Variants in OSBPL8 observed in about 807,000 individuals in gnomAD.
The protein encoded by OSBPL8 is oxysterol-binding protein-related protein 8.
A neutral mutation model predicts 125.5 loss-of-function variants in OSBPL8; 59 were observed. The ratio of observed to expected loss-of-function variants is 0.47; its 90% confidence interval spans 0.38 to 0.58. OSBPL8 has a LOEUF of 0.58. OSBPL8 is among the 20% of genes least tolerant of loss of function. OSBPL8 has a pLI of 0.00. For missense variants in OSBPL8, 758 were observed against 1,047.8 expected (o/e 0.72, Z 3.82); for synonymous variants, 330 against 338.9 (o/e 0.97, Z 0.29).
chr12:76,472,280 C>A (rs370881733), intron 2 of OSBPL8, among the ~76,000 whole-genome samples: 2 of 152,288 alleles, frequency 1.3e-5, no homozygotes, highest in Admixed American at 1.3e-4. Context: ...TTAGTATCTT[C>A]CTGAAACCAC....
intron 2 of OSBPL8, among the ~76,000 whole-genome samples, chr12:76,464,176 G>A (rs1443051049): frequency 6.6e-6 from 1 of 152,196 alleles, no homozygotes; most frequent in African/African-American, 2.4e-5. Context: ...GGCTGAGGCA[G>A]GAGGACTGCT....
intron 1 of OSBPL8, among the ~76,000 whole-genome samples, chr12:76,516,577 AAAAG>A (rs1362544347): frequency 6.6e-6 from 1 of 152,196 alleles, no homozygotes; most frequent in Non-Finnish European, 1.5e-5. Context: ...CCAAAAAAGT[AAAAG>A]AAAGGACACA....
chr12:76,504,464 C>T (rs1880218326), intron 1 of OSBPL8, among the ~76,000 whole-genome samples: 1 of 152,178 alleles, frequency 6.6e-6, no homozygotes, highest in South Asian at 2.1e-4. Context: ...TCAGCCAATG[C>T]AATGCATTTC....
At chr12:76,405,358 T>C (rs573357710) in intron 5 of OSBPL8, among the ~76,000 whole-genome samples, 3 of 151,868 alleles carry the variant, frequency 2.0e-5, no homozygotes, top group African/African-American at 7.3e-5. Context: ...GTTTGGGAGG[T>C]TGAGACAGGA....
chr12:76,399,971 G>T lies in OSBPL8; in HGVS notation c.370C>A (p.Gln124Lys), dbSNP rs77898164. 2 of 1,592,304 alleles carry T rather than the reference G, an allele frequency of 1.3e-6. No individual in the cohort carries two copies. Among genetic ancestry groups the T allele is most frequent in the Non-Finnish European group, 1.7e-6 (2 of 1,172,760 alleles). ...TTTTCTTCTCGGTAATTTTTCTTTT[G>T]TACCTATTTTATAGAAATAATAGAA... ...KLTKKESLKV[Q>K]KKNYREEKKR... Residue 124 changes from glutamine to lysine, a missense_variant, in exon 7 of 24, where the codon CAA (glutamine) becomes AAA (lysine). Physicochemically the swap from Gln to Lys is moderately conservative, Grantham distance 53 (BLOSUM62 1). Around this residue, in one of 3 missense-constraint regions of OSBPL8, gnomAD observed 69 missense variants for 148.7 expected, o/e 0.46. Coordinates refer to ENST00000261183, the MANE Select transcript of OSBPL8 (RefSeq NM_020841.5).
Position 76,390,570 on chromosome 12 carries a change from A to G in OSBPL8, c.1017T>C (p.His339=). 1 of 1,613,810 alleles carries G rather than the reference A, an allele frequency of 6.2e-7. No homozygotes were observed. The highest frequency in any genetic ancestry group is 8.5e-7 in the Non-Finnish European group (1 of 1,179,840). ...DKSDKENDQE[H]DESDNEVMGK... ...CCATCACCTCATTATCAGACTCATC[A>G]TGTTCTTGATCATTTTCTTTATCAG... The change falls in exon 11 of 24, where the codon CAT becomes CAC. Residue 339 remains histidine, a synonymous_variant. Transcript: ENST00000261183.
chr12:76,393,948 AG>A, intron 9 of OSBPL8, among the ~76,000 whole-genome samples: 1 of 152,250 alleles, frequency 6.6e-6, no homozygotes, highest in African/African-American at 2.4e-5. Context: ...TATACCAGGG[AG>A]TCAGAGGTTG....
chr12:76,439,128 C>T, intron 4 of OSBPL8, among the ~76,000 whole-genome samples: 1 of 152,180 alleles, frequency 6.6e-6, no homozygotes, highest in Non-Finnish European at 1.5e-5. Flanking sequence ...CGCCTGTAAT[C>T]CTAGCACTTT....
chr12:76,504,524 C>T (rs1365342826), intron 1 of OSBPL8, among the ~76,000 whole-genome samples: 1 of 152,092 alleles, frequency 6.6e-6, no homozygotes, highest in Non-Finnish European at 1.5e-5. Flanking sequence ...CACTCTTCTT[C>T]TGATGGTGAA....
chr12:76,451,019 C>T (rs751004226), intron 3 of OSBPL8, 31 bp from the exon 4 acceptor site: 2 of 1,600,724 alleles, frequency 1.2e-6, no homozygotes, highest in Non-Finnish European at 1.7e-6. Flanking sequence ...ATAATTAGTA[C>T]TGAAGTCACA....
intron 6 of OSBPL8, among the ~76,000 whole-genome samples, 192 bp downstream of exon 6, chr12:76,402,497 A>G (rs1429622934): frequency 6.6e-6 from 1 of 152,196 alleles, no homozygotes; most frequent in East Asian, 1.9e-4. Flanking sequence ...GACAGTCATC[A>G]ATCAATCTTA....
intron 4 of OSBPL8, among the ~76,000 whole-genome samples, chr12:76,449,893 A>G (rs1012600660): frequency 6.6e-6 from 1 of 152,196 alleles, no homozygotes; most frequent in Admixed American, 6.5e-5. Context: ...GATTGCAATT[A>G]ACATAAAGAA....
chr12:76,466,089 G>A (rs1158370039), intron 2 of OSBPL8, among the ~76,000 whole-genome samples: 2 of 151,990 alleles, frequency 1.3e-5, no homozygotes, highest in Admixed American at 6.6e-5. Context: ...AAAGAAGCTT[G>A]TATGATATGA....
At chr12:76,486,780 C>T (rs144865592) in intron 2 of OSBPL8, among the ~76,000 whole-genome samples, 80 of 152,190 alleles carry the variant, frequency 5.3e-4, no homozygotes, top group Non-Finnish European at 9.6e-4. Context: ...TTAACTGTTT[C>T]ATTCCCACTA....
intron 4 of OSBPL8, among the ~76,000 whole-genome samples, chr12:76,427,698 A>G: frequency 6.6e-6 from 1 of 152,034 alleles, no homozygotes; most frequent in East Asian, 1.9e-4. Flanking sequence ...GATTTTTGTA[A>G]TTTTAAAGTA....
intron 1 of OSBPL8, among the ~76,000 whole-genome samples, chr12:76,504,086 C>CA (rs74964976): frequency 0.18 from 17,545 of 98,098 alleles, 3,113 homozygotes; most frequent in African/African-American, 0.47. Context: ...ACTTAAAGGC[C>CA]AAAAAAAAAA....
intron 15 of OSBPL8, among the ~76,000 whole-genome samples, chr12:76,382,658 G>A (rs960774588): frequency 1.3e-5 from 2 of 152,142 alleles, no homozygotes; most frequent in Non-Finnish European, 2.9e-5. Flanking sequence ...TGAGGCGGGT[G>A]GATCACTTGA....
At chr12:76,411,356 A>C (rs1954507340) in intron 4 of OSBPL8, among the ~76,000 whole-genome samples, 2 of 152,120 alleles carry the variant, frequency 1.3e-5, no homozygotes, top group Non-Finnish European at 2.9e-5. Context: ...ACACATTTTA[A>C]TTTTAATGAG....
chr12:76,453,935 T>C (rs1034559102), intron 3 of OSBPL8, among the ~76,000 whole-genome samples: 2 of 152,144 alleles, frequency 1.3e-5, no homozygotes, highest in South Asian at 2.1e-4. Context: ...GGGCAATAAA[T>C]GTATGAAAAG....
Sources: gnomAD v4.1 joint callset for allele counts (sites outside exome capture counted in the v4.1 genomes callset) on GRCh38, gnomAD v4.1.1 for gene constraint, gnomAD v4.1.1 regional missense constraint, MANE v1.5 for transcripts, NCBI Gene and HGNC (gene_info 2026-07-23, HGNC 2026-07-21) for gene names.